The following MEN1 variants were observed in gnomAD, a reference collection of about 807,000 sequenced individuals.
MEN1 encodes menin 1, also known as menin.
MEN1 carries 6 observed loss-of-function variants against 58.0 expected under a neutral mutation model. The ratio of observed to expected loss-of-function variants is 0.10; its 90% CI spans 0.06 to 0.20. The LOEUF (loss-of-function observed/expected upper bound fraction) is 0.20, where lower values mean the gene tolerates loss of function less well. MEN1 is among the 10% of genes least tolerant of loss of function. MEN1 has a pLI of 1.00. For missense variants in MEN1, 492 were observed against 818.5 expected (o/e 0.60, Z 4.87); for synonymous variants, 346 against 350.7 (o/e 0.99, Z 0.15).
Position 64,804,618 on chromosome 11 carries a change from T to TC in MEN1, c.1548dup (p.Lys517GlufsTer14), listed in dbSNP as rs761695866. On this transcript the variant is annotated frameshift_variant, in exon 10 of 10. Transcript: ENST00000450708. LOFTEE classifies it high-confidence loss of function. This position sits in a 1 kb window ranked among gnomAD's most constrained non-coding sequence, Gnocchi z 4.2. ...GTGCCAGCGACAGTCCCAGGAGGCTTCCGGGGGGGTCCTGACACTGCACCC... is the reference window on the plus strand; with the variant it reads ...GTGCCAGCGACAGTCCCAGGAGGCTTCCCGGGGGGGTCCTGACACTGCACCC... The TC allele has an allele frequency of 6.2e-7, 1 of 1,608,276 alleles. No homozygotes were observed. The highest frequency in any genetic ancestry group is 8.5e-7 in the Non-Finnish European group (1 of 1,178,694).
chr11:64,808,337 C>T (rs965290238), intron 2 of MEN1, among the ~76,000 whole-genome samples: 1 of 152,218 alleles, frequency 6.6e-6, no homozygotes, highest in African/African-American at 2.4e-5. Flanking sequence ...GCTGACCCAG[C>T]CTTTGGCCCT....
rs779413959 is a variant in MEN1, at chr11:64,804,530, G to T, written c.1637C>A (p.Pro546Gln). 1 of 1,614,000 alleles carries T rather than the reference G, an allele frequency of 6.2e-7. No homozygotes were observed. The highest frequency in any genetic ancestry group is 1.7e-5 in the Admixed American group (1 of 60,026). ...QVPAPTASPP[P>Q]EGPVLTFQSE... ...CTGGAAAGTGAGCACTGGACCCTCC[G>T]GCGGTGGTGATGCTGTGGGTGCTGG... The change falls in exon 10 of 10, where the codon CCG (proline) becomes CAG (glutamine). Residue 546 changes from proline (P) to glutamine (Q), a missense_variant. By Grantham distance (76) the Pro-to-Gln change is moderately conservative. Coordinates refer to ENST00000450708, the MANE Select transcript of MEN1 (RefSeq NM_001370259.2). The surrounding 1 kb of genome is among the most constrained non-coding windows in gnomAD (Gnocchi z 4.2).
Position 64,809,957 on chromosome 11 carries a change from G to C in MEN1, c.153C>G (p.Asn51Lys), listed in dbSNP as rs1555166669. The C allele has an allele frequency of 6.3e-7, 1 of 1,586,428 alleles. No homozygotes were observed. The highest frequency in any genetic ancestry group is 8.6e-7 in the Non-Finnish European group (1 of 1,166,508). ...LGFVEHFLAV[N>K]RVIPTNVPEL... is the part of the protein sequence containing the mutation. The stretch of plus-strand genomic sequence containing the variant: ...CGGGAACGTTGGTAGGGATGACGCG[G>C]TTGACAGCCAGAAAATGCTCCACGA... Residue 51 changes from asparagine (N) to lysine (K), a missense_variant, in exon 2 of 10, where the codon AAC (asparagine) becomes AAG (lysine). Asn to Lys is a moderately conservative substitution (Grantham distance 94). This residue lies in a region of MEN1 where 335 missense variants were observed against 550.3 expected (regional missense o/e 0.61). Coordinates refer to ENST00000450708, the MANE Select transcript of MEN1 (RefSeq NM_001370259.2).
At chr11:64,805,536 C>A in intron 8 of MEN1, 99 bp downstream of exon 8, 1 of 1,481,956 alleles carries the variant, frequency 6.7e-7, no homozygotes. Context: ...CACCTTCCTC[C>A]TGCCATCCCT....
chr11:64,809,193 G>A (rs1941945760), intron 2 of MEN1, among the ~76,000 whole-genome samples: 1 of 146,898 alleles, frequency 6.8e-6, no homozygotes, highest in South Asian at 2.1e-4. Flanking sequence ...AGCCCAGGGA[G>A]ACTGAGGCTG....
chr11:64,805,153 C>T lies in MEN1; in HGVS notation c.1231G>A (p.Ala411Thr), dbSNP rs757179911. ...GSALQDPECF[A>T]HLLRFYDGIC... is the part of the protein sequence containing the mutation. ...CCGTCGTAGAATCGCAGCAGGTGGGCGAAGCACTCAGGGTCCTGGAGGGCG... is the reference window on the plus strand; with the variant it reads ...CCGTCGTAGAATCGCAGCAGGTGGGTGAAGCACTCAGGGTCCTGGAGGGCG... Residue 411 changes from alanine (A) to threonine (T), a missense_variant, in exon 9 of 10, where the codon GCC (alanine) becomes ACC (threonine). Around this residue, in one of 5 missense-constraint regions of MEN1, gnomAD observed 335 missense variants for 550.3 expected, o/e 0.61. Transcript: ENST00000450708. 5.0e-6 allele frequency: 8 copies of T among 1,613,930 alleles called. No individual in the cohort carries two copies. The African/African-American group carries it at 5.3e-5, about 11-fold the overall frequency.
At position 64,807,577 on chromosome 11, in the gene MEN1, G is replaced by A. The variant is rs386134259; in HGVS notation, c.758C>T (p.Ser253Leu). 2.5e-6 allele frequency: 4 copies of A among 1,614,164 alleles called. No individual in the cohort carries two copies. Among genetic ancestry groups the A allele is most frequent in the Non-Finnish European group, 3.4e-6 (4 of 1,180,028 alleles). ...CTGCTGCAGCTGCAGAAGCTCCAGC[G>A]AGTCGGTGTGCAGGTCAATGGAAGG... ...INPSIDLHTD[S>L]LELLQLQQKL... Residue 253 changes from serine to leucine, a missense_variant, in exon 4 of 10, where the codon TCG (serine) becomes TTG (leucine). Around this residue, in one of 5 missense-constraint regions of MEN1, gnomAD observed 335 missense variants for 550.3 expected, o/e 0.61. Transcript: ENST00000450708. This position sits in a 1 kb window ranked among gnomAD's most constrained non-coding sequence, Gnocchi z 4.9.
intron 2 of MEN1, 33 bp from the exon 3 acceptor site, chr11:64,808,132 T>A (rs2136161143): frequency 6.4e-7 from 1 of 1,566,670 alleles, no homozygotes; most frequent in South Asian, 1.1e-5. Flanking sequence ...AAGAGGGTCC[T>A]CTGTGCTTTA....
At chr11:64,808,884 G>A (rs1459351979) in intron 2 of MEN1, among the ~76,000 whole-genome samples, 1 of 151,610 alleles carries the variant, frequency 6.6e-6, no homozygotes, top group Admixed American at 6.6e-5. Context: ...GAAAGCAGGA[G>A]GCAGAGCTTG....
intron 6 of MEN1, 74 bp from the exon 7 acceptor site, chr11:64,806,442 G>T: frequency 6.3e-7 from 1 of 1,576,910 alleles, no homozygotes; most frequent in South Asian, 1.1e-5. Flanking sequence ...GCCCCACCAG[G>T]GCACACCCAG....
intron 2 of MEN1, among the ~76,000 whole-genome samples, chr11:64,809,232 C>G (rs1941948001): frequency 6.7e-6 from 1 of 149,002 alleles, no homozygotes; most frequent in African/African-American, 2.5e-5. Context: ...CCACTGCACT[C>G]CAGCCTGGGG....
chr11:64,805,017 GTGCAGCTGTCCCTCA>G lies in MEN1; in HGVS notation c.1350+2_1350+16del. 6.2e-7 allele frequency: 1 copy of G among 1,612,862 alleles called. No homozygotes were observed. Among genetic ancestry groups the G allele is most frequent in the Non-Finnish European group, 8.5e-7 (1 of 1,180,010 alleles). Reference sequence around the variant, plus strand: ...CACCACCTGTAGTGCCCAGACCTCTGTGCAGCTGTCCCTCACCTGTCCCTCAAAACGGCCTAGGGA... The same window carrying G: ...CACCACCTGTAGTGCCCAGACCTCTGCCTGTCCCTCAAAACGGCCTAGGGA... On this transcript the variant is annotated splice_donor_variant and splice_donor_5th_base_variant and intron_variant, in intron 9 of 9. Coordinates refer to ENST00000450708, the MANE Select transcript of MEN1 (RefSeq NM_001370259.2). LOFTEE classifies it high-confidence loss of function.
Position 64,804,981 on chromosome 11 carries a change from G to A in MEN1, c.1350+53C>T, listed in dbSNP as rs555673667. The A allele has an allele frequency of 5.0e-6, 8 of 1,607,594 alleles. No individual in the cohort carries two copies. Among genetic ancestry groups the A allele is most frequent in the African/African-American group, 2.7e-5 (2 of 75,062 alleles). On this transcript the variant is annotated intron_variant, in intron 9 of 9. Transcript: ENST00000450708. The surrounding 1 kb of genome is among the most constrained non-coding windows in gnomAD (Gnocchi z 4.2). ...TGGGCCAGAAAAGTCTGACAAGCCCGTGGCTGCTGTCACCACCTGTAGTGC... is the reference window on the plus strand; with the variant it reads ...TGGGCCAGAAAAGTCTGACAAGCCCATGGCTGCTGTCACCACCTGTAGTGC...
Position 64,804,542 on chromosome 11 carries a change from G to T in MEN1, c.1625C>A (p.Ala542Glu). 6.2e-7 allele frequency: 1 copy of T among 1,613,870 alleles called. No homozygotes were observed. The highest frequency in any genetic ancestry group is 8.5e-7 in the Non-Finnish European group (1 of 1,180,026). Residue 542 changes from alanine to glutamate, a missense_variant, in exon 10 of 10, where the codon GCA becomes GAA. Physicochemically the swap from Ala to Glu is moderately radical, Grantham distance 107 (BLOSUM62 -1). Around this residue, in one of 5 missense-constraint regions of MEN1, gnomAD observed 79 missense variants for 82.5 expected, o/e 0.96. Transcript: ENST00000450708. This position sits in a 1 kb window ranked among gnomAD's most constrained non-coding sequence, Gnocchi z 4.2. Reference sequence around the variant, plus strand: ...CACTGGACCCTCCGGCGGTGGTGATGCTGTGGGTGCTGGCACCTGAGCCGT... The same window carrying T: ...CACTGGACCCTCCGGCGGTGGTGATTCTGTGGGTGCTGGCACCTGAGCCGT... Reference protein sequence around the residue: ...GSTAQVPAPTASPPPEGPVLT... With the variant: ...GSTAQVPAPTESPPPEGPVLT...
chr11:64,804,438 G>A lies in MEN1; in HGVS notation c.1729C>T (p.Leu577=), dbSNP rs762744342. 2 of 1,614,210 alleles carry A rather than the reference G, an allele frequency of 1.2e-6. No homozygotes were observed. The highest frequency in any genetic ancestry group is 1.7e-5 in the Admixed American group (1 of 60,036). Residue 577 remains leucine, a synonymous_variant, in exon 10 of 10, where the codon CTG becomes TTG. Transcript: ENST00000450708. The surrounding 1 kb of genome is among the most constrained non-coding windows in gnomAD (Gnocchi z 4.2). ...ATKINSSAIK[L]QLTAQSQVQM... is the part of the protein sequence containing the mutation. ...ACTTGCGACTGTGCCGTGAGTTGCAGCTTGATGGCGCTCGAGTTGATCTTG... is the reference window on the plus strand; with the variant it reads ...ACTTGCGACTGTGCCGTGAGTTGCAACTTGATGGCGCTCGAGTTGATCTTG...
chr11:64,808,041 C>T lies in MEN1; in HGVS notation c.504G>A (p.Leu168=), dbSNP rs1941867763. The T allele has an allele frequency of 6.2e-7, 1 of 1,614,052 alleles. No homozygotes were observed. The highest frequency in any genetic ancestry group is 8.5e-7 in the Non-Finnish European group (1 of 1,179,996). ...AFAVVGACQA[L]GLRDVHLALS... is the part of the protein sequence containing the mutation. ...GGGCGAGGTGGACATCCCGGAGACC[C>T]AGGGCCTGGCAGGCCCCAACCACAG... Residue 168 remains leucine (L), a synonymous_variant, in exon 3 of 10, where the codon CTG becomes CTA. Coordinates refer to ENST00000450708, the MANE Select transcript of MEN1 (RefSeq NM_001370259.2).
intron 7 of MEN1, 93 bp from the exon 8 acceptor site, chr11:64,805,863 C>CT: frequency 7.5e-7 from 1 of 1,331,568 alleles, no homozygotes; most frequent in South Asian, 1.2e-5. Context: ...CCCCCAGGGG[C>CT]TGGGGGAGTA....
In MEN1 at chr11:64,804,388, G is replaced by A. The variant is rs1157546350; in HGVS notation, c.1779C>T (p.Ser593=). The change falls in exon 10 of 10, where the codon TCC becomes TCT. Residue 593 remains serine (S), a synonymous_variant. Coordinates refer to ENST00000450708, the MANE Select transcript of MEN1 (RefSeq NM_001370259.2). The surrounding 1 kb of genome is among the most constrained non-coding windows in gnomAD (Gnocchi z 4.2). ...SQVQMKKQKV[S]TPSDYTLSFL... ...AAGACAGAGTGTAGTCACTAGGGGTGGACACTTTCTGCTTCTTCATCTGCA... is the reference window on the plus strand; with the variant it reads ...AAGACAGAGTGTAGTCACTAGGGGTAGACACTTTCTGCTTCTTCATCTGCA... 5 of 1,614,010 alleles carry A rather than the reference G, an allele frequency of 3.1e-6. No homozygotes were observed. In the African/African-American group the frequency reaches 5.3e-5, roughly 17 times the overall value.
chr11:64,806,961 C>G (rs1941770071), intron 6 of MEN1, 50 bp downstream of exon 6: 2 of 1,567,458 alleles, frequency 1.3e-6, no homozygotes, highest in African/African-American at 1.4e-5. Flanking sequence ...GGGCCCCTGC[C>G]TCAGCCACTG....
Sources: allele counts gnomAD v4.1 joint callset (sites outside exome capture counted in the v4.1 genomes callset), GRCh38; gene constraint gnomAD v4.1.1; regional missense constraint gnomAD v4.1.1; non-coding constraint Gnocchi (gnomAD v3.1); transcripts MANE v1.5; gene names NCBI Gene and HGNC (gene_info 2026-07-23, HGNC 2026-07-21).